Variants in ATP8A2 observed in about 807,000 individuals in gnomAD.
The protein encoded by ATP8A2 is ATPase phospholipid transporting 8A2.
Under a neutral mutation model 165.6 loss-of-function variants are expected in ATP8A2, and 100 were observed. That is an observed-to-expected ratio of 0.60 (90% CI 0.51 to 0.71). The LOEUF (loss-of-function observed/expected upper bound fraction) is 0.71, where lower values mean the gene tolerates loss of function less well. Among genes scored for constraint, ATP8A2 ranks in the 30% least tolerant of loss-of-function variants. The probability of loss-of-function intolerance (pLI) is 0.00; values close to 1 mark genes in which losing one functional copy is unlikely to be tolerated. For synonymous variants in ATP8A2, 543 were observed against 548.8 expected (o/e 0.99, Z 0.15); for missense variants, 1,227 against 1,479.5 (o/e 0.83, Z 2.80).
At chr13:25,464,498 G>C (rs1158817070) in intron 1 of ATP8A2, among the ~76,000 whole-genome samples, 1 of 151,354 alleles carries the variant, frequency 6.6e-6, no homozygotes, top group Admixed American at 6.6e-5. Context: ...TCCACTCAGA[G>C]GGTAGAAGAC....
rs6491097 is a variant in ATP8A2, at chr13:26,024,093, G to T, written c.*4108G>T. 34,074 of 152,070 alleles carry T rather than the reference G, an allele frequency of 0.22. 4,389 individuals are homozygous for T. Among genetic ancestry groups the T allele is most frequent in the East Asian group, 0.49 (2,538 of 5,152 alleles). The allele number at this position is 152,070 out of a possible 1,614,324, so 9.4% of individuals were successfully genotyped here. On this transcript the variant is annotated 3_prime_UTR_variant, in exon 37 of 37. Coordinates refer to ENST00000381655, the MANE Select transcript of ATP8A2 (RefSeq NM_016529.6). Reference sequence around the variant, plus strand: ...AGAAAATCTATATCAGTTGGGTTTGGTTTTGGTTCTTCATTGGCTCAAGGC... The same window carrying T: ...AGAAAATCTATATCAGTTGGGTTTGTTTTTGGTTCTTCATTGGCTCAAGGC...
chr13:25,819,940 A>G (rs1036402889), intron 27 of ATP8A2, among the ~76,000 whole-genome samples: 3 of 152,220 alleles, frequency 2.0e-5, no homozygotes, highest in African/African-American at 7.2e-5. Flanking sequence ...TTGCCACTTC[A>G]GTAAGAAACC....
chr13:25,575,930 G>A (rs1345614335), intron 19 of ATP8A2, among the ~76,000 whole-genome samples: 1 of 152,210 alleles, frequency 6.6e-6, no homozygotes, highest in Non-Finnish European at 1.5e-5. Context: ...AATATTGGTA[G>A]AGACACAAGG....
intron 28 of ATP8A2, among the ~76,000 whole-genome samples, chr13:25,832,398 A>G (rs905647372): frequency 3.9e-5 from 6 of 152,256 alleles, no homozygotes; most frequent in African/African-American, 1.4e-4. Context: ...TCAAGCCAGC[A>G]TCGTTTGAGG....
Position 25,566,913 on chromosome 13 carries a change from G to T in ATP8A2, c.1473+2882G>T, listed in dbSNP as rs185397532. On this transcript the variant is annotated intron_variant, in intron 16 of 36. Transcript: ENST00000381655. ...GGACAGGTAAGGTGCAACTCCCTGAGGAGGTGATTTTGGTTTGTGTAGACA... is the reference window on the plus strand; with the variant it reads ...GGACAGGTAAGGTGCAACTCCCTGATGAGGTGATTTTGGTTTGTGTAGACA... Among the ~76,000 whole-genome samples, 115 of 152,306 alleles carry T rather than the reference G, an allele frequency of 7.6e-4. 1 individual carries two copies. Among genetic ancestry groups the T allele is most frequent in the Non-Finnish European group, 1.3e-3 (88 of 68,032 alleles).
At chr13:25,752,856 G>A (rs949141816) in intron 25 of ATP8A2, among the ~76,000 whole-genome samples, 2 of 152,190 alleles carry the variant, frequency 1.3e-5, no homozygotes, top group Non-Finnish European at 2.9e-5. Flanking sequence ...CTCAGAACTA[G>A]CTCAGGGCAA....
chr13:25,679,088 A>G (rs2137795814), intron 24 of ATP8A2, among the ~76,000 whole-genome samples: 1 of 152,310 alleles, frequency 6.6e-6, no homozygotes, highest in South Asian at 2.1e-4. Context: ...GAAACCAGGT[A>G]AGCAATGGGA....
Position 25,622,696 on chromosome 13 carries a change from C to G in ATP8A2, c.2211+32997C>G, listed in dbSNP as rs139282041. ...AATGCAGGCACACAACACATAGTTT[C>G]TTCAGCATCTCCAGGGGAATAAAAG... On this transcript the variant is annotated intron_variant, in intron 24 of 36. Coordinates refer to ENST00000381655, the MANE Select transcript of ATP8A2 (RefSeq NM_016529.6). Among the ~76,000 whole-genome samples the G allele has an allele frequency of 1.2e-4, 19 of 152,276 alleles. No homozygotes were observed. The East Asian group carries it at 3.7e-3, about 29-fold the overall frequency.
At chr13:25,529,193 T>C (rs2037949868) in intron 2 of ATP8A2, among the ~76,000 whole-genome samples, 1 of 152,194 alleles carries the variant, frequency 6.6e-6, no homozygotes, top group South Asian at 2.1e-4. Context: ...GAGGGTGAGC[T>C]AGGAATCATA....
chr13:26,011,972 G>T (rs1956857763), intron 35 of ATP8A2, among the ~76,000 whole-genome samples: 1 of 152,164 alleles, frequency 6.6e-6, no homozygotes, highest in Admixed American at 6.5e-5. Flanking sequence ...CCAAGCTCCA[G>T]AACAGTTCCA....
intron 24 of ATP8A2, among the ~76,000 whole-genome samples, chr13:25,634,303 A>G (rs1291942731): frequency 2.2e-4 from 34 of 152,184 alleles, no homozygotes; most frequent in Non-Finnish European, 3.5e-4. Flanking sequence ...GTAGGCATCA[A>G]ATAAATTGGA....
At chr13:25,942,516 G>A (rs753707485) in intron 33 of ATP8A2, among the ~76,000 whole-genome samples, 8 of 152,082 alleles carry the variant, frequency 5.3e-5, no homozygotes, top group African/African-American at 1.2e-4. Context: ...TCTGCCTCCC[G>A]GGCTCAAGCG....
At chr13:25,908,767 G>C (rs980217393) in intron 33 of ATP8A2, among the ~76,000 whole-genome samples, 1 of 152,218 alleles carries the variant, frequency 6.6e-6, no homozygotes, top group Non-Finnish European at 1.5e-5. Flanking sequence ...CTTCAGAGGA[G>C]AAGCTCTTCC....
At chr13:25,990,322 G>T (rs1333661617) in intron 35 of ATP8A2, among the ~76,000 whole-genome samples, 1 of 149,802 alleles carries the variant, frequency 6.7e-6, no homozygotes, top group Non-Finnish European at 1.5e-5. Flanking sequence ...TTCTAATGAG[G>T]AACACAGACA....
In ATP8A2 at chr13:25,540,328, G is replaced by C; in HGVS notation, c.591G>C (p.Gln197His). Residue 197 changes from glutamine (Q) to histidine (H), a missense_variant, in exon 8 of 37, where the codon CAG (glutamine) becomes CAC (histidine). Around this residue, in one of 5 missense-constraint regions of ATP8A2, gnomAD observed 356 missense variants for 394.9 expected, o/e 0.90. Transcript: ENST00000381655. ...DVVLLSSSEP[Q>H]AMCYVETANL... ...TTTTCTCTCTCCTTAGTGAACCTCA[G>C]GCAATGTGTTATGTTGAAACAGCTA... The C allele has an allele frequency of 6.2e-7, 1 of 1,613,664 alleles. No homozygotes were observed. Among genetic ancestry groups the C allele is most frequent in the Non-Finnish European group, 8.5e-7 (1 of 1,179,618 alleles).
intron 23 of ATP8A2, among the ~76,000 whole-genome samples, chr13:25,583,644 C>G (rs1055271132): frequency 1.3e-5 from 2 of 152,112 alleles, no homozygotes; most frequent in African/African-American, 4.8e-5. Flanking sequence ...CTGAGCCTAT[C>G]TAGCTAAGTT....
At position 25,514,024 on chromosome 13, in the gene ATP8A2, G is replaced by T. The variant is rs570476990; in HGVS notation, c.222-15975G>T. Among the ~76,000 whole-genome samples, 17 of 151,314 alleles carry T rather than the reference G, an allele frequency of 1.1e-4. No homozygotes were observed. In the South Asian group the frequency reaches 3.6e-3, roughly 32 times the overall value. ...GGAGGGAGAGGGAGAGGGAGAGGGA[G>T]AGGGACTCTTAATAGTTGGATATTG... On this transcript the variant is annotated intron_variant, in intron 2 of 36. Transcript: ENST00000381655.
At chr13:25,589,294 A>C (rs1484584186) in intron 23 of ATP8A2, among the ~76,000 whole-genome samples, 2 of 152,122 alleles carry the variant, frequency 1.3e-5, no homozygotes, top group African/African-American at 4.8e-5. Context: ...GTGCTGATTT[A>C]GGGGCACCAT....
At chr13:25,904,938 T>C (rs1427647683) in intron 33 of ATP8A2, among the ~76,000 whole-genome samples, 1 of 152,246 alleles carries the variant, frequency 6.6e-6, no homozygotes, top group Admixed American at 6.5e-5. Context: ...ATGTTATTGA[T>C]GTGAGGTATC....
Sources: allele counts gnomAD v4.1 joint callset (sites outside exome capture counted in the v4.1 genomes callset), GRCh38; gene constraint gnomAD v4.1.1; regional missense constraint gnomAD v4.1.1; transcripts MANE v1.5; gene names NCBI Gene and HGNC (gene_info 2026-07-23, HGNC 2026-07-21).